The following ZFHX3 variants were observed in gnomAD, a reference collection of about 807,000 sequenced individuals.
ZFHX3 encodes the protein zinc finger homeobox protein 3.
Under a neutral mutation model 279.1 loss-of-function variants are expected in ZFHX3, and 42 were observed. The ratio of observed to expected loss-of-function variants is 0.15; its 90% CI spans 0.12 to 0.19. The LOEUF (loss-of-function observed/expected upper bound fraction) is 0.19, where lower values mean the gene tolerates loss of function less well. Among genes scored for constraint, ZFHX3 ranks in the 10% least tolerant of loss-of-function variants. ZFHX3 has a pLI of 1.00. For missense variants in ZFHX3, 4,981 were observed against 4,754.0 expected (o/e 1.05, Z -1.40); for synonymous variants, 2,293 against 1,957.8 (o/e 1.17, Z -4.52).
intron 4 of ZFHX3, among the ~76,000 whole-genome samples, chr16:73,272,989 C>A (rs1445695907): frequency 6.6e-6 from 1 of 152,052 alleles, no homozygotes; most frequent in Admixed American, 6.6e-5. Context: ...TCAAGTGATC[C>A]TCCAGCCTCA....
At chr16:73,855,349 C>G (rs771425005) in intron 1 of ZFHX3, among the ~76,000 whole-genome samples, 1 of 150,674 alleles carries the variant, frequency 6.6e-6, no homozygotes, top group Non-Finnish European at 1.5e-5. Flanking sequence ...ACGATTTACT[C>G]TCCCAGCCTC....
At chr16:73,064,034 C>T (rs190182953), upstream of ZFHX3, among the ~76,000 whole-genome samples, 143 of 152,226 alleles carry the variant, frequency 9.4e-4, no homozygotes, top group East Asian at 0.016. Flanking sequence ...TAATTGAGAA[C>T]GAGCTTCCCA....
rs189964683 is a variant in ZFHX3 at position 73,541,401 on chromosome 16, G to A, written c.-1546-85143C>T. Among the ~76,000 whole-genome samples the A allele has an allele frequency of 7.9e-4, 120 of 152,128 alleles. 1 individual carries two copies. The highest frequency in any genetic ancestry group is 3.4e-3 in the Middle Eastern group (1 of 294). On this transcript the variant is annotated intron_variant, in intron 2 of 17. Transcript: ENST00000641206. ...CTCAAGAGGCTAAGGTGGCAGGATCGCTTGAGCTCAGGAGGTCGAGGCTAC... is the reference window on the plus strand; with the variant it reads ...CTCAAGAGGCTAAGGTGGCAGGATCACTTGAGCTCAGGAGGTCGAGGCTAC...
intron 4 of ZFHX3, among the ~76,000 whole-genome samples, chr16:73,279,042 T>A (rs1200971384): frequency 6.6e-6 from 1 of 152,256 alleles, no homozygotes; most frequent in Non-Finnish European, 1.5e-5. Context: ...GTAATACAAC[T>A]TCCTTTATAA....
At chr16:73,412,217 C>G (rs371577749) in intron 3 of ZFHX3, among the ~76,000 whole-genome samples, 3 of 151,552 alleles carry the variant, frequency 2.0e-5, no homozygotes, top group African/African-American at 7.3e-5. Context: ...TCCCAGCTAC[C>G]TCAGGAGGCT....
At chr16:73,486,943 G>C (rs746938013) in intron 2 of ZFHX3, 3 of 438,720 alleles carry the variant, frequency 6.8e-6, no homozygotes, top group Non-Finnish European at 1.4e-5. Context: ...AGGCAATTTG[G>C]GTTACTGGGT....
At chr16:73,743,006 T>G (rs1018503243) in intron 1 of ZFHX3, among the ~76,000 whole-genome samples, 6 of 152,194 alleles carry the variant, frequency 3.9e-5, no homozygotes, top group Admixed American at 3.3e-4. Flanking sequence ...CCTTTATAAT[T>G]TCATCCTTCA....
intron 5 of ZFHX3, among the ~76,000 whole-genome samples, chr16:73,170,312 C>A (rs1286669955): frequency 7.1e-6 from 1 of 141,098 alleles, no homozygotes; most frequent in African/African-American, 2.6e-5. Context: ...CTCACTGCAA[C>A]CTCCACCTCC....
intron 5 of ZFHX3, among the ~76,000 whole-genome samples, chr16:73,151,361 G>A (rs1966936758): frequency 6.6e-6 from 1 of 152,138 alleles, no homozygotes; most frequent in African/African-American, 2.4e-5. Flanking sequence ...AGGTGTGTGG[G>A]GGTTGGAGAA....
chr16:73,623,441 G>C (rs1008857837), intron 2 of ZFHX3, among the ~76,000 whole-genome samples: 4 of 152,082 alleles, frequency 2.6e-5, no homozygotes, highest in Non-Finnish European at 5.9e-5. Flanking sequence ...GTGACAGACA[G>C]AGCTCCCCAA....
intron 3 of ZFHX3, among the ~76,000 whole-genome samples, chr16:72,905,174 C>T (rs1744711987): frequency 6.6e-6 from 1 of 152,126 alleles, no homozygotes; most frequent in Admixed American, 6.6e-5. Context: ...TTGATTTCTA[C>T]ACGGGGCTCT....
chr16:73,721,330 C>T (rs891305683), intron 1 of ZFHX3, among the ~76,000 whole-genome samples: 5 of 152,102 alleles, frequency 3.3e-5, no homozygotes, highest in African/African-American at 9.7e-5. Context: ...CCATGTTGGC[C>T]GGGCTGGTCT....
rs766726341 is a variant in ZFHX3, at chr16:72,795,395, T to G, written c.7287A>C (p.Lys2429Asn). Residue 2429 changes from lysine to asparagine, a missense_variant, in exon 9 of 10, where the codon AAA (lysine) becomes AAC (asparagine). Physicochemically the swap from Lys to Asn is moderately conservative, Grantham distance 94. Transcript: ENST00000268489. ...FNSKTEAGDEKPKLAEAPSAQ... is the reference protein window; with the variant it reads ...FNSKTEAGDENPKLAEAPSAQ... ...CACTGGGAGCTTCCGCCAGCTTTGG[T>G]TTCTCATCGCCTGCCTCTGTTTTTG... 6.2e-7 allele frequency: 1 copy of G among 1,614,162 alleles called. No homozygotes were observed. The highest frequency in any genetic ancestry group is 8.5e-7 in the Non-Finnish European group (1 of 1,180,038).
chr16:73,738,963 GT>G (rs1181153774), intron 1 of ZFHX3, among the ~76,000 whole-genome samples: 23 of 151,592 alleles, frequency 1.5e-4, no homozygotes. Flanking sequence ...TCCTCTGTGA[GT>G]CCAACTCCCA....
chr16:73,622,986 C>T (rs1462518275), intron 2 of ZFHX3, among the ~76,000 whole-genome samples: 2 of 151,958 alleles, frequency 1.3e-5, no homozygotes, highest in East Asian at 1.9e-4. Context: ...AAATGTGAGG[C>T]GATAGATTAC....
intron 4 of ZFHX3, among the ~76,000 whole-genome samples, chr16:72,889,014 G>T (rs2038700150): frequency 6.6e-6 from 1 of 151,758 alleles, no homozygotes; most frequent in African/African-American, 2.4e-5. Flanking sequence ...AAAAGAGGAG[G>T]TGATTCTACC....
At chr16:73,053,319 T>C (rs1965482719) in intron 1 of ZFHX3, among the ~76,000 whole-genome samples, 1 of 152,130 alleles carries the variant, frequency 6.6e-6, no homozygotes. Flanking sequence ...GAAACACACA[T>C]GCACAAACAA....
intron 2 of ZFHX3, among the ~76,000 whole-genome samples, chr16:73,484,435 C>T (rs1282205776): frequency 6.6e-6 from 1 of 152,158 alleles, no homozygotes; most frequent in East Asian, 1.9e-4. Flanking sequence ...CTTGGCATTC[C>T]CTTGAGATGG....
At chr16:73,550,501 G>A (rs2020187875) in intron 2 of ZFHX3, among the ~76,000 whole-genome samples, 1 of 152,110 alleles carries the variant, frequency 6.6e-6, no homozygotes, top group Non-Finnish European at 1.5e-5. Context: ...ACACCACACA[G>A]GATAAAACAG....
Sources: gnomAD v4.1 joint callset for allele counts (sites outside exome capture counted in the v4.1 genomes callset) on GRCh38, gnomAD v4.1.1 for gene constraint, MANE v1.5 for transcripts, NCBI Gene and HGNC (gene_info 2026-07-23, HGNC 2026-07-21) for gene names.